CSNK1G1: variants seen among roughly 807,000 people sequenced by gnomAD.
CSNK1G1 encodes casein kinase 1 gamma 1, also known as casein kinase I isoform gamma-1.
CSNK1G1 carries 22 observed loss-of-function variants against 59.6 expected under a neutral mutation model. The observed-to-expected ratio is 0.37, with a 90% CI of 0.26 to 0.53. The LOEUF is 0.53. Ranked by LOEUF, CSNK1G1 falls within the 20% of genes least tolerant of loss-of-function variation. CSNK1G1 has a pLI of 0.89. For missense variants in CSNK1G1, 384 were observed against 519.5 expected (o/e 0.74, Z 2.54); for synonymous variants, 179 against 177.1 (o/e 1.01, Z -0.08).
chr15:64,338,325 A>C (rs1471675003), intron 1 of CSNK1G1, among the ~76,000 whole-genome samples: 6 of 152,194 alleles, frequency 3.9e-5, no homozygotes, highest in Non-Finnish European at 7.4e-5. Context: ...TTAGTATGAT[A>C]GCAAGATTAG....
chr15:64,296,969 G>A (rs991862662), intron 2 of CSNK1G1, among the ~76,000 whole-genome samples: 2 of 71,844 alleles, frequency 2.8e-5, no homozygotes, highest in African/African-American at 1.3e-4. Flanking sequence ...TTTGCTGTTT[G>A]GAACCGATAG....
intron 10 of CSNK1G1, among the ~76,000 whole-genome samples, chr15:64,192,035 G>A (rs750329317): frequency 7.9e-5 from 12 of 152,224 alleles, no homozygotes; most frequent in Non-Finnish European, 1.6e-4. Context: ...GTCTGCTAGT[G>A]TAACTCTCCA....
At chr15:64,229,069 T>C (rs1170979416) in intron 4 of CSNK1G1, among the ~76,000 whole-genome samples, 1 of 151,990 alleles carries the variant, frequency 6.6e-6, no homozygotes. Flanking sequence ...AGTGGATATT[T>C]TTTCTTATCA....
intron 2 of CSNK1G1, chr15:64,265,983 C>G: frequency 3.0e-6 from 1 of 331,192 alleles, no homozygotes; most frequent in Non-Finnish European, 6.1e-6. Flanking sequence ...AGTAGGTAGA[C>G]TGAGATGGGA....
At chr15:64,241,583 A>C (rs1372909440) in intron 4 of CSNK1G1, among the ~76,000 whole-genome samples, 2 of 152,226 alleles carry the variant, frequency 1.3e-5, no homozygotes. Context: ...AAAAAATTTA[A>C]AATAAATGGT....
In CSNK1G1 at chr15:64,188,056, TCA is replaced by T. The variant is rs1452500629; in HGVS notation, c.1108-7604_1108-7603del. Among the ~76,000 whole-genome samples, 1 of 152,250 alleles carries T rather than the reference TCA, an allele frequency of 6.6e-6. No homozygotes were observed. The highest frequency in any genetic ancestry group is 2.4e-5 in the African/African-American group (1 of 41,472). On this transcript the variant is annotated intron_variant, in intron 10 of 11. Transcript: ENST00000303052. The surrounding 1 kb of genome is among the most constrained non-coding windows in gnomAD (Gnocchi z 4.2). ...CTTGTAAGTTTCAGGTCTTTACAATTCACAGACTTGACACTAACACAATCCTA... is the reference window on the plus strand; with the variant it reads ...CTTGTAAGTTTCAGGTCTTTACAATTCAGACTTGACACTAACACAATCCTA...
chr15:64,227,383 T>A (rs945605763), intron 4 of CSNK1G1, among the ~76,000 whole-genome samples: 2 of 152,240 alleles, frequency 1.3e-5, no homozygotes, highest in Admixed American at 6.5e-5. Context: ...GTAAATGATA[T>A]CTACAGTTTA....
intron 1 of CSNK1G1, among the ~76,000 whole-genome samples, chr15:64,333,548 G>A (rs1272265040): frequency 6.6e-6 from 1 of 151,454 alleles, no homozygotes; most frequent in African/African-American, 2.4e-5. Context: ...AAGTGTCTAG[G>A]TAACAATCAA....
chr15:64,168,081 T>G lies in CSNK1G1; in HGVS notation c.*3850A>C, dbSNP rs1298322482. ...GGTGATGGTCACCTTTTCTGGCTGA[T>G]GGACAGGGACTGTTTTCTAAGTACT... On this transcript the variant is annotated 3_prime_UTR_variant, in exon 12 of 12. Transcript: ENST00000303052. The G allele has an allele frequency of 6.6e-6, 1 of 152,556 alleles. No homozygotes were observed. The highest frequency in any genetic ancestry group is 1.5e-5 in the Non-Finnish European group (1 of 68,040). The allele number at this position is 152,556 out of a possible 1,614,324, so 9.5% of individuals were successfully genotyped here.
At chr15:64,265,184 T>C (rs551681650) in intron 2 of CSNK1G1, among the ~76,000 whole-genome samples, 1 of 152,262 alleles carries the variant, frequency 6.6e-6, no homozygotes, top group Non-Finnish European at 1.5e-5. Flanking sequence ...AAAATTAACA[T>C]ACAAAAATTA....
rs555873453 is a variant in CSNK1G1 at position 64,286,616 on chromosome 15, G to C, written c.181+13703C>G. On this transcript the variant is annotated intron_variant, in intron 2 of 11. Coordinates refer to ENST00000303052, the MANE Select transcript of CSNK1G1 (RefSeq NM_022048.5). ...TGATCTTGGCAAAAGCAGGGTCCAT[G>C]TCTTATTTATGATCTTTGTACCCCC... Among the ~76,000 whole-genome samples the C allele has an allele frequency of 3.3e-5, 5 of 152,152 alleles. No individual in the cohort carries two copies. The South Asian group carries it at 1.0e-3, about 32-fold the overall frequency.
rs1030697078 is a variant in CSNK1G1, at chr15:64,188,706, C to A, written c.1108-8252G>T. Among the ~76,000 whole-genome samples, 3 of 151,944 alleles carry A rather than the reference C, an allele frequency of 2.0e-5. No homozygotes were observed. Among genetic ancestry groups the A allele is most frequent in the African/African-American group, 7.2e-5 (3 of 41,414 alleles). Reference sequence around the variant, plus strand: ...ATGAATCTATATCACACCCTCCTTACCCAGAACCAGAAAACCAATAACGAC... The same window carrying A: ...ATGAATCTATATCACACCCTCCTTAACCAGAACCAGAAAACCAATAACGAC... On this transcript the variant is annotated intron_variant, in intron 10 of 11. Transcript: ENST00000303052. This position sits in a 1 kb window ranked among gnomAD's most constrained non-coding sequence, Gnocchi z 4.2.
chr15:64,350,297 T>A (rs1443153242), intron 1 of CSNK1G1, among the ~76,000 whole-genome samples: 2 of 151,940 alleles, frequency 1.3e-5, no homozygotes, highest in Non-Finnish European at 2.9e-5. Context: ...ATCGAGACCA[T>A]CCTGGCTAAC....
intron 1 of CSNK1G1, among the ~76,000 whole-genome samples, chr15:64,317,570 G>C (rs1033107257): frequency 7.5e-6 from 1 of 134,104 alleles, no homozygotes; most frequent in African/African-American, 2.7e-5. Context: ...CATTTCATCT[G>C]TTTTTACTTA....
At chr15:64,333,089 TCTA>T (rs1414531043) in intron 1 of CSNK1G1, among the ~76,000 whole-genome samples, 1 of 150,908 alleles carries the variant, frequency 6.6e-6, no homozygotes, top group Non-Finnish European at 1.5e-5. Flanking sequence ...AAATCCTGTC[TCTA>T]CTAAAAATAC....
intron 11 of CSNK1G1, chr15:64,180,053 A>C (rs993647664): frequency 6.3e-6 from 2 of 317,112 alleles, no homozygotes; most frequent in African/African-American, 4.1e-5. Flanking sequence ...AAGAAGCTCC[A>C]CAGCCCCAAG....
chr15:64,182,322 C>T (rs1408544669), intron 10 of CSNK1G1, among the ~76,000 whole-genome samples: 3 of 152,128 alleles, frequency 2.0e-5, no homozygotes, highest in Admixed American at 6.5e-5. Flanking sequence ...GTCCACCTGC[C>T]TTGGCTTCCC....
chr15:64,188,311 GC>G lies in CSNK1G1; in HGVS notation c.1108-7858del. ...TTCTAAGGCTGCCGAAGGTTCAGAA[GC>G]AAGCCAACATTCCACCAGCCAAGCT... On this transcript the variant is annotated intron_variant, in intron 10 of 11. Coordinates refer to ENST00000303052, the MANE Select transcript of CSNK1G1 (RefSeq NM_022048.5). This position sits in a 1 kb window ranked among gnomAD's most constrained non-coding sequence, Gnocchi z 4.2. The G allele has an allele frequency of 8.0e-7, 1 of 1,250,140 alleles. No individual in the cohort carries two copies. Among genetic ancestry groups the G allele is most frequent in the Non-Finnish European group, 1.1e-6 (1 of 897,694 alleles). The allele number at this position is 1,250,140 out of a possible 1,614,324, so 77.4% of individuals were successfully genotyped here.
At chr15:64,303,588 C>T (rs1157910153) in intron 1 of CSNK1G1, among the ~76,000 whole-genome samples, 4 of 151,746 alleles carry the variant, frequency 2.6e-5, no homozygotes, top group African/African-American at 9.7e-5. Flanking sequence ...CCCATCTCTA[C>T]TAAAAACAAA....
Sources: gnomAD v4.1 joint callset for allele counts (sites outside exome capture counted in the v4.1 genomes callset) on GRCh38, gnomAD v4.1.1 for gene constraint, Gnocchi (gnomAD v3.1) non-coding constraint, MANE v1.5 for transcripts, NCBI Gene and HGNC (gene_info 2026-07-23, HGNC 2026-07-21) for gene names.